CACNB2: variants seen among roughly 807,000 people sequenced by gnomAD.
The protein encoded by CACNB2 is calcium voltage-gated channel auxiliary subunit beta 2, also known as voltage-dependent L-type calcium channel subunit beta-2.
A neutral mutation model predicts 73.3 loss-of-function variants in CACNB2; 42 were observed. That is an observed-to-expected ratio of 0.57 (90% CI 0.45 to 0.74). CACNB2 has a LOEUF of 0.74. Among genes scored for constraint, CACNB2 ranks in the 30% least tolerant of loss-of-function variants. The pLI is 0.00. For synonymous variants in CACNB2, 348 were observed against 310.3 expected (o/e 1.12, Z -1.28); for missense variants, 940 against 853.0 (o/e 1.10, Z -1.27).
At position 18,534,082 on chromosome 10, in the gene CACNB2, T is replaced by C; in HGVS notation, c.1061T>C (p.Val354Ala). 6.2e-7 allele frequency: 1 copy of C among 1,614,074 alleles called. No individual in the cohort carries two copies. The highest frequency in any genetic ancestry group is 1.1e-5 in the South Asian group (1 of 91,080). ...ATTGTTTCGCCCTTTACAGCGGAAG[T>C]TCAGAGTGAAATCGAAAGGATTTTT... ...RSNTRSSLAE[V>A]QSEIERIFEL... The change falls in exon 11 of 14, where the codon GTT (valine) becomes GCT (alanine). Residue 354 changes from valine to alanine, a missense_variant. By Grantham distance (64) the Val-to-Ala change is moderately conservative. Coordinates refer to ENST00000324631, the MANE Select transcript of CACNB2 (RefSeq NM_201596.3).
intron 2 of CACNB2, among the ~76,000 whole-genome samples, chr10:18,291,836 T>C (rs1041909493): frequency 6.6e-6 from 1 of 152,234 alleles, no homozygotes; most frequent in African/African-American, 2.4e-5. Flanking sequence ...TAAAGACATC[T>C]AGTTGTTTCA....
intron 2 of CACNB2, among the ~76,000 whole-genome samples, chr10:18,386,158 G>A (rs1232893383): frequency 2.0e-5 from 3 of 152,130 alleles, no homozygotes; most frequent in Non-Finnish European, 4.4e-5. Context: ...ATTTTGCCCT[G>A]TTTTAACATC....
chr10:18,184,068 G>A (rs926096879), intron 2 of CACNB2, among the ~76,000 whole-genome samples: 1 of 152,216 alleles, frequency 6.6e-6, no homozygotes, highest in Non-Finnish European at 1.5e-5. Context: ...CTTATTAACA[G>A]AACTTGCTGC....
In CACNB2 at chr10:18,518,427, G is replaced by A. The variant is rs777215227; in HGVS notation, c.885+11G>A. ...CTGAAGGGCTACGAGGTGGGTAGCA[G>A]CCTTCCACAGGAAGCTTAACTTGCA... is the stretch of plus-strand genomic sequence containing the variant. On this transcript the variant is annotated intron_variant, in intron 8 of 13. Transcript: ENST00000324631. 9 of 1,561,146 alleles carry A rather than the reference G, an allele frequency of 5.8e-6. No individual in the cohort carries two copies. The highest frequency in any genetic ancestry group is 8.0e-6 in the Non-Finnish European group (9 of 1,132,034).
At chr10:18,296,893 G>C (rs1305386824) in intron 2 of CACNB2, among the ~76,000 whole-genome samples, 1 of 152,204 alleles carries the variant, frequency 6.6e-6, no homozygotes, top group Non-Finnish European at 1.5e-5. Flanking sequence ...GCTAGTAGTT[G>C]TTGACTTTGG....
intron 6 of CACNB2, chr10:18,513,722 C>G (rs1381034759): frequency 5.2e-6 from 1 of 192,960 alleles, no homozygotes; most frequent in Non-Finnish European, 1.1e-5. Flanking sequence ...GCGAGAAATG[C>G]GCATTAAAAT....
At chr10:18,177,058 C>T (rs1277958582) in intron 2 of CACNB2, among the ~76,000 whole-genome samples, 1 of 151,998 alleles carries the variant, frequency 6.6e-6, no homozygotes, top group Non-Finnish European at 1.5e-5. Flanking sequence ...AGCCTCAACC[C>T]TAAACCCTAA....
At chr10:18,427,325 G>T (rs2045658293) in intron 3 of CACNB2, among the ~76,000 whole-genome samples, 1 of 151,926 alleles carries the variant, frequency 6.6e-6, no homozygotes, top group Admixed American at 6.6e-5. Flanking sequence ...ACATTTTCAT[G>T]ATGTTTTTAA....
chr10:18,381,348 A>G (rs1484727353), intron 2 of CACNB2, among the ~76,000 whole-genome samples: 5 of 151,968 alleles, frequency 3.3e-5, no homozygotes, highest in African/African-American at 1.2e-4. Context: ...TAATATACCT[A>G]TTAAGGCTAA....
chr10:18,478,629 G>A (rs1366858535), intron 3 of CACNB2, among the ~76,000 whole-genome samples: 3 of 152,170 alleles, frequency 2.0e-5, no homozygotes, highest in Non-Finnish European at 4.4e-5. Context: ...TGCACACGGG[G>A]AGAATCTCAG....
At chr10:18,391,553 C>T (rs2132451796) in intron 2 of CACNB2, among the ~76,000 whole-genome samples, 1 of 152,210 alleles carries the variant, frequency 6.6e-6, no homozygotes, top group Non-Finnish European at 1.5e-5. Flanking sequence ...TTAAAAAAAT[C>T]CATCCTCGTG....
chr10:18,143,020 G>A (rs899833010), intron 1 of CACNB2, among the ~76,000 whole-genome samples: 1 of 152,242 alleles, frequency 6.6e-6, no homozygotes, highest in Non-Finnish European at 1.5e-5. Flanking sequence ...AGTCGTACAT[G>A]AAACAGAGTC....
intron 7 of CACNB2, chr10:18,515,029 T>C: frequency 1.2e-6 from 2 of 1,613,672 alleles, no homozygotes; most frequent in South Asian, 1.1e-5. Flanking sequence ...CAGGCTTGTT[T>C]TGGCGGTTTA....
intron 10 of CACNB2, among the ~76,000 whole-genome samples, chr10:18,531,083 T>C (rs2052976496): frequency 1.3e-5 from 2 of 152,188 alleles, no homozygotes; most frequent in African/African-American, 2.4e-5. Context: ...GAATTACACA[T>C]ATGGCATTAA....
At chr10:18,481,021 C>G (rs2048693935) in intron 3 of CACNB2, among the ~76,000 whole-genome samples, 1 of 151,380 alleles carries the variant, frequency 6.6e-6, no homozygotes, top group South Asian at 2.1e-4. Context: ...TTCCACCCCT[C>G]TCTGTGGCAA....
At chr10:18,159,018 A>T (rs2032259706) in intron 2 of CACNB2, among the ~76,000 whole-genome samples, 1 of 151,976 alleles carries the variant, frequency 6.6e-6, no homozygotes, top group East Asian at 1.9e-4. Context: ...GTTCTCTCTC[A>T]TTCTCTCTCT....
intron 1 of CACNB2, among the ~76,000 whole-genome samples, chr10:18,149,531 C>G (rs965307797): frequency 6.6e-6 from 1 of 152,088 alleles, no homozygotes; most frequent in Non-Finnish European, 1.5e-5. Context: ...TAAGATGATA[C>G]CACCCTCTCA....
At chr10:18,380,912 G>A (rs1589192631) in intron 2 of CACNB2, among the ~76,000 whole-genome samples, 1 of 151,998 alleles carries the variant, frequency 6.6e-6, no homozygotes, top group East Asian at 1.9e-4. Context: ...TTCACCATGC[G>A]ATCCTCATAC....
intron 2 of CACNB2, among the ~76,000 whole-genome samples, chr10:18,304,497 G>A (rs1588991417): frequency 6.6e-6 from 1 of 150,816 alleles, no homozygotes; most frequent in Admixed American, 6.7e-5. Flanking sequence ...TGAAGGATAA[G>A]CCTGTGCTCT....
Sources: gnomAD v4.1 joint callset for allele counts (sites outside exome capture counted in the v4.1 genomes callset) on GRCh38, gnomAD v4.1.1 for gene constraint, MANE v1.5 for transcripts, NCBI Gene and HGNC (gene_info 2026-07-23, HGNC 2026-07-21) for gene names.